ZNF609: variants seen among roughly 807,000 people sequenced by gnomAD.
The protein encoded by ZNF609 is zinc finger protein 609.
A neutral mutation model predicts 109.5 loss-of-function variants in ZNF609; 11 were observed. The observed-to-expected ratio is 0.10, with a 90% CI of 0.06 to 0.17. The LOEUF is 0.17. Among genes scored for constraint, ZNF609 ranks in the 10% least tolerant of loss-of-function variants. The probability of loss-of-function intolerance (pLI) is 1.00; values close to 1 mark genes in which losing one functional copy is unlikely to be tolerated. For synonymous variants in ZNF609, 646 were observed against 662.0 expected, an observed-to-expected ratio of 0.98 and a Z score of 0.37; for missense variants, 1,559 against 1,772.4, an observed-to-expected ratio of 0.88 and a Z score of 2.16.
At chr15:64,459,590 G>A (rs1353236459), upstream of ZNF609, among the ~76,000 whole-genome samples, 4 of 152,138 alleles carry the variant, frequency 2.6e-5, no homozygotes, top group East Asian at 7.7e-4. Flanking sequence ...ATCTTGAGTG[G>A]CACTGTTGAA....
chr15:64,576,057 G>A (rs565177026), intron 2 of ZNF609, among the ~76,000 whole-genome samples: 1 of 152,076 alleles, frequency 6.6e-6, no homozygotes, highest in African/African-American at 2.4e-5. Flanking sequence ...AGCCGAGATC[G>A]CGCCGCTGCA....
At chr15:64,681,565 G>A (rs2083209456) in intron 9 of ZNF609, 127 bp from the exon 10 acceptor site, 1 of 588,026 alleles carries the variant, frequency 1.7e-6, no homozygotes, top group African/African-American at 1.9e-5. Flanking sequence ...GAGAGGACCT[G>A]TGGAACACAG....
At chr15:64,612,916 G>T (rs1053018743) in intron 2 of ZNF609, among the ~76,000 whole-genome samples, 1 of 152,150 alleles carries the variant, frequency 6.6e-6, no homozygotes, top group African/African-American at 2.4e-5. Flanking sequence ...CCAGGAGGCT[G>T]AGGCAGGAGA....
intron 2 of ZNF609, among the ~76,000 whole-genome samples, chr15:64,532,509 G>A (rs563759228): frequency 5.9e-5 from 9 of 152,326 alleles, no homozygotes; most frequent in East Asian, 5.8e-4. Context: ...TTTAGCTGAT[G>A]TGAGCCTCAG....
chr15:64,635,926 C>T (rs1226407428), intron 3 of ZNF609, among the ~76,000 whole-genome samples: 1 of 152,120 alleles, frequency 6.6e-6, no homozygotes, highest in Non-Finnish European at 1.5e-5. Context: ...CCTCATTATT[C>T]CATCTCCCTC....
intron 3 of ZNF609, among the ~76,000 whole-genome samples, chr15:64,657,215 G>A (rs1448742239): frequency 2.0e-5 from 3 of 149,020 alleles, no homozygotes; most frequent in African/African-American, 5.0e-5. Flanking sequence ...AGCCAAGATC[G>A]CACCACTGCA....
At position 64,675,399 on chromosome 15, in the gene ZNF609, T is replaced by G. The variant is rs1481099670; in HGVS notation, c.2545T>G (p.Ser849Ala). Residue 849 changes from serine to alanine, a missense_variant, in exon 5 of 10, where the codon TCT becomes GCT. Physicochemically the swap from Ser to Ala is moderately conservative, Grantham distance 99. Around this residue, in one of 4 missense-constraint regions of ZNF609, gnomAD observed 1,204 missense variants for 1,314.1 expected, o/e 0.92. Coordinates refer to ENST00000326648, the MANE Select transcript of ZNF609 (RefSeq NM_015042.2). The stretch of plus-strand genomic sequence containing the variant: ...CAACAGCCCTGCATACTCTGACATC[T>G]CTGATGCTGGGGAGGATGGGGAGGG... Reference protein sequence around the residue: ...KTNSPAYSDISDAGEDGEGKV... With the variant: ...KTNSPAYSDIADAGEDGEGKV... The G allele has an allele frequency of 6.2e-7, 1 of 1,614,094 alleles. No individual in the cohort carries two copies. The highest frequency in any genetic ancestry group is 1.7e-5 in the Admixed American group (1 of 60,010).
intron 2 of ZNF609, among the ~76,000 whole-genome samples, chr15:64,588,511 TTTTG>T (rs1432936297): frequency 3.3e-5 from 5 of 150,862 alleles, no homozygotes; most frequent in Non-Finnish European, 7.4e-5. Context: ...TTTTCTTGTT[TTTTG>T]TTTGTTATTT....
At chr15:64,561,514 T>C (rs1174810711) in intron 2 of ZNF609, among the ~76,000 whole-genome samples, 1 of 151,792 alleles carries the variant, frequency 6.6e-6, no homozygotes, top group Non-Finnish European at 1.5e-5. Flanking sequence ...AAATGAATTA[T>C]TCTCTCATAA....
chr15:64,606,916 G>A (rs961032715), intron 2 of ZNF609, among the ~76,000 whole-genome samples: 92 of 152,148 alleles, frequency 6.0e-4, no homozygotes, highest in Non-Finnish European at 2.2e-4. Context: ...GGCCGAGGCT[G>A]GCGGATCACC....
chr15:64,641,343 G>T (rs754928989), intron 3 of ZNF609, among the ~76,000 whole-genome samples: 1 of 148,066 alleles, frequency 6.8e-6, no homozygotes, highest in Admixed American at 7.1e-5. Flanking sequence ...TCAGTCTCCC[G>T]AGTAGCTGGG....
intron 2 of ZNF609, among the ~76,000 whole-genome samples, chr15:64,587,716 C>G (rs577582221): frequency 2.5e-4 from 38 of 152,192 alleles, no homozygotes; most frequent in Admixed American, 2.5e-3. Flanking sequence ...CATGAAACTT[C>G]CAGTTTATTC....
intron 2 of ZNF609, chr15:64,503,052 T>C (rs1215659477): frequency 2.0e-5 from 2 of 102,058 alleles, no homozygotes; most frequent in Non-Finnish European, 4.7e-5. Flanking sequence ...GAGCCAGACC[T>C]TGTCTCAAAA....
At chr15:64,528,117 A>G (rs1351852603) in intron 2 of ZNF609, among the ~76,000 whole-genome samples, 1 of 147,534 alleles carries the variant, frequency 6.8e-6, no homozygotes, top group Non-Finnish European at 1.5e-5. Flanking sequence ...TTTTTTTTTG[A>G]GTTGGAGTCT....
intron 2 of ZNF609, among the ~76,000 whole-genome samples, chr15:64,607,624 C>T (rs1418222050): frequency 2.0e-5 from 3 of 151,006 alleles, no homozygotes; most frequent in Non-Finnish European, 2.9e-5. Context: ...GTTGCTTCAG[C>T]CTCCCGAGTA....
chr15:64,499,369 G>C lies in ZNF609; in HGVS notation c.-51G>C. Reference sequence around the variant, plus strand: ...CATAGCTGAAGCTGAAAATAGGAAAGCTGGGGGCAAGGAAGAGCCTTGAAT... The same window carrying C: ...CATAGCTGAAGCTGAAAATAGGAAACCTGGGGGCAAGGAAGAGCCTTGAAT... On this transcript the variant is annotated 5_prime_UTR_variant, in exon 2 of 10. Coordinates refer to ENST00000326648, the MANE Select transcript of ZNF609 (RefSeq NM_015042.2). 1 of 1,579,740 alleles carries C rather than the reference G, an allele frequency of 6.3e-7. No individual in the cohort carries two copies. The highest frequency in any genetic ancestry group is 8.6e-7 in the Non-Finnish European group (1 of 1,163,088).
chr15:64,505,750 G>GT (rs1342067701), intron 2 of ZNF609, among the ~76,000 whole-genome samples: 3 of 152,148 alleles, frequency 2.0e-5, no homozygotes, highest in Non-Finnish European at 1.5e-5. Flanking sequence ...ATACATCAAA[G>GT]TTTGAGAATT....
At chr15:64,577,008 G>GTATATATACACATAAATATATATATA (rs1567019051) in intron 2 of ZNF609, among the ~76,000 whole-genome samples, 2 of 112,318 alleles carry the variant, frequency 1.8e-5, no homozygotes, top group Non-Finnish European at 3.7e-5. Flanking sequence ...ATATATATAT[G>GTATATATACACATAAATATATATATA]TATGTATACA....
At chr15:64,619,192 G>A (rs1427549054) in intron 2 of ZNF609, among the ~76,000 whole-genome samples, 1 of 152,080 alleles carries the variant, frequency 6.6e-6, no homozygotes, top group Non-Finnish European at 1.5e-5. Flanking sequence ...TAAAGACAGG[G>A]TCTCACAATG....
Sources: gnomAD v4.1 joint callset for allele counts (sites outside exome capture counted in the v4.1 genomes callset) on GRCh38, gnomAD v4.1.1 for gene constraint, gnomAD v4.1.1 regional missense constraint, MANE v1.5 for transcripts, NCBI Gene and HGNC (gene_info 2026-07-23, HGNC 2026-07-21) for gene names.